DNAJC7: variants seen among roughly 807,000 people sequenced by gnomAD.
DNAJC7 encodes DnaJ heat shock protein family (Hsp40) member C7.
DNAJC7 carries 18 observed loss-of-function variants against 67.4 expected under a neutral mutation model. That is an observed-to-expected ratio of 0.27 (90% confidence interval 0.18 to 0.40). DNAJC7 has a LOEUF of 0.40. DNAJC7 is among the 10% of genes least tolerant of loss of function. The probability of loss-of-function intolerance (pLI) is 1.00; values close to 1 mark genes in which losing one functional copy is unlikely to be tolerated. For missense variants in DNAJC7, 419 were observed against 613.8 expected, an observed-to-expected ratio of 0.68 and a Z score of 3.35; for synonymous variants, 220 against 207.8, an observed-to-expected ratio of 1.06 and a Z score of -0.50.
At chr17:42,017,270 T>C (rs1598162718) in intron 1 of DNAJC7, 70 bp downstream of exon 1, 1 of 1,605,724 alleles carries the variant, frequency 6.2e-7, no homozygotes, top group Non-Finnish European at 8.5e-7. Flanking sequence ...GGCTGCATCA[T>C]GGCAGGAACG....
chr17:41,992,889 A>C (rs1210123871), intron 5 of DNAJC7: 2 of 152,228 alleles, frequency 1.3e-5, no homozygotes, highest in African/African-American at 4.8e-5. Flanking sequence ...AAGAGAGAAA[A>C]GAAACCCAAA....
At chr17:42,005,334 C>T (rs1245865944) in intron 1 of DNAJC7, among the ~76,000 whole-genome samples, 1 of 152,202 alleles carries the variant, frequency 6.6e-6, no homozygotes, top group Non-Finnish European at 1.5e-5. Flanking sequence ...TCATAGTTGA[C>T]ATTGCAACAT....
At chr17:41,989,645 C>T in intron 6 of DNAJC7, 88 bp from the exon 7 acceptor site, 2 of 1,522,600 alleles carry the variant, frequency 1.3e-6, no homozygotes, top group South Asian at 1.2e-5. Context: ...CCTCCTTGAC[C>T]ATGTGTCTAG....
Position 41,976,743 on chromosome 17 carries a change from T to C in DNAJC7, c.1475A>G (p.Gln492Arg). The change falls in exon 14 of 14, where the codon CAA becomes CGA. Residue 492 changes from glutamine (Q) to arginine (R), a missense_variant. Physicochemically the swap from Gln to Arg is conservative, Grantham distance 43. This residue lies in a region of DNAJC7 where 161 missense variants were observed against 252.2 expected (regional missense o/e 0.64). Coordinates refer to ENST00000457167, the MANE Select transcript of DNAJC7 (RefSeq NM_003315.4). ...GGTGGTTGCCCTTCATTAGCCAAAT[T>C]GAAAAAAGAAATTCCCTGGACCAGA... ...EASGPGNFFFQFG is the reference protein window; with the variant it reads ...EASGPGNFFFRFG 6.2e-7 allele frequency: 1 copy of C among 1,609,252 alleles called. No homozygotes were observed. The highest frequency in any genetic ancestry group is 2.2e-5 in the East Asian group (1 of 44,798).
In DNAJC7 at chr17:41,986,498, C is replaced by T. The variant is rs998935899; in HGVS notation, c.1010+1321G>A. Reference sequence around the variant, plus strand: ...GTATCAAGTATCTAGCCACCCCCTTCCCACTGGACATGTAGGTGATTCTCC... The same window carrying T: ...GTATCAAGTATCTAGCCACCCCCTTTCCACTGGACATGTAGGTGATTCTCC... On this transcript the variant is annotated intron_variant, in intron 9 of 13. Transcript: ENST00000457167. Among the ~76,000 whole-genome samples the T allele has an allele frequency of 5.3e-5, 8 of 151,806 alleles. No individual in the cohort carries two copies. The South Asian group carries it at 1.7e-3, about 32-fold the overall frequency.
At chr17:42,003,526 G>C (rs1336842189) in intron 1 of DNAJC7, 1 of 152,288 alleles carries the variant, frequency 6.6e-6, no homozygotes, top group Non-Finnish European at 1.5e-5. Flanking sequence ...TACAGCAAAG[G>C]GACTGAAGGA....
chr17:41,989,597 G>A (rs782603115), intron 6 of DNAJC7, 40 bp from the exon 7 acceptor site: 10 of 1,605,640 alleles, frequency 6.2e-6, no homozygotes, highest in African/African-American at 1.3e-5. Flanking sequence ...CTGTGCTTTA[G>A]AATGTCCCCA....
At chr17:41,994,399 G>A (rs1364928144) in intron 5 of DNAJC7, among the ~76,000 whole-genome samples, 1 of 150,868 alleles carries the variant, frequency 6.6e-6, no homozygotes, top group African/African-American at 2.4e-5. Context: ...TTAGCCAGGT[G>A]TGATGGCATG....
intron 12 of DNAJC7, 84 bp downstream of exon 12, chr17:41,981,771 G>C: frequency 6.5e-7 from 1 of 1,550,174 alleles, no homozygotes; most frequent in Non-Finnish European, 8.7e-7. Context: ...GGCCCAAATA[G>C]ACTCTCCCTC....
At chr17:42,005,655 T>C (rs1315507342) in intron 1 of DNAJC7, among the ~76,000 whole-genome samples, 1 of 152,218 alleles carries the variant, frequency 6.6e-6, no homozygotes, top group Non-Finnish European at 1.5e-5. Flanking sequence ...ACTAGCATGG[T>C]TTCATTATTC....
chr17:42,013,146 C>T (rs1555651293), intron 1 of DNAJC7: 2 of 152,172 alleles, frequency 1.3e-5, no homozygotes, highest in Non-Finnish European at 2.9e-5. Flanking sequence ...CTATGTTGCC[C>T]AGGCTGGTCT....
At chr17:42,016,974 CAA>C in intron 1 of DNAJC7, 1 of 1,229,894 alleles carries the variant, frequency 8.1e-7, no homozygotes, top group Non-Finnish European at 1.0e-6. Context: ...CAGAAGTTAA[CAA>C]GAGAACGCGG....
rs1028969069 is a variant in DNAJC7 at position 41,986,600 on chromosome 17, C to T, written c.1010+1219G>A. On this transcript the variant is annotated intron_variant, in intron 9 of 13. Transcript: ENST00000457167. Reference sequence around the variant, plus strand: ...ACACCTTCATGTATATAGCATTTTGCGTCTGTTAAAGTCAGTCTTTGGCTG... The same window carrying T: ...ACACCTTCATGTATATAGCATTTTGTGTCTGTTAAAGTCAGTCTTTGGCTG... 1.1e-4 allele frequency among the ~76,000 whole-genome samples: 15 copies of T among 139,764 alleles called. No homozygotes were observed. In the South Asian group the frequency reaches 2.9e-3, roughly 27 times the overall value. 91.7% of individuals were successfully genotyped at this position (139,764 alleles called of 152,430 possible). A position where few individuals can be genotyped will look rare whatever the true frequency, so the allele number is the denominator to read the frequency against.
intron 9 of DNAJC7, chr17:41,985,353 T>C (rs1172428572): frequency 2.6e-5 from 4 of 151,834 alleles, no homozygotes; most frequent in African/African-American, 7.3e-5. Flanking sequence ...ATGTAATAAT[T>C]TGAAGTAAGA....
In DNAJC7 at chr17:41,979,790, G is replaced by A. The variant is rs553957074; in HGVS notation, c.1384+2065C>T. Reference sequence around the variant, plus strand: ...AGCCTGGCCAATATGGTAAAACCCCGTCTCTACTTAAAATACAAAAATTAG... The same window carrying A: ...AGCCTGGCCAATATGGTAAAACCCCATCTCTACTTAAAATACAAAAATTAG... On this transcript the variant is annotated intron_variant, in intron 12 of 13. Coordinates refer to ENST00000457167, the MANE Select transcript of DNAJC7 (RefSeq NM_003315.4). Among the ~76,000 whole-genome samples, 513 of 151,058 alleles carry A rather than the reference G, an allele frequency of 3.4e-3. 9 individuals carry two copies. Among genetic ancestry groups the A allele is most frequent in the African/African-American group, 0.012 (503 of 41,162 alleles).
chr17:41,995,103 G>T, intron 4 of DNAJC7, 159 bp from the exon 5 acceptor site: 1 of 690,710 alleles, frequency 1.4e-6, no homozygotes, highest in Non-Finnish European at 2.6e-6. Flanking sequence ...TGTTGTGAAT[G>T]GCCATTTTTA....
chr17:41,996,453 A>C (rs2051661242), intron 3 of DNAJC7, 29 bp from the exon 4 acceptor site: 3 of 1,595,494 alleles, frequency 1.9e-6, no homozygotes, highest in East Asian at 2.2e-5. Context: ...GGAAGAAAAG[A>C]AGCATGATTG....
chr17:41,995,252 C>G (rs1356546520), intron 4 of DNAJC7, among the ~76,000 whole-genome samples: 2 of 152,164 alleles, frequency 1.3e-5, no homozygotes, highest in African/African-American at 4.8e-5. Context: ...TTTCACAAAT[C>G]AAATTGATGA....
In DNAJC7 at chr17:42,006,320, A is replaced by AT. The variant is rs568818722; in HGVS notation, c.78-5751dup. On this transcript the variant is annotated intron_variant, in intron 1 of 13. Coordinates refer to ENST00000457167, the MANE Select transcript of DNAJC7 (RefSeq NM_003315.4). Reference sequence around the variant, plus strand: ...AGGCACACGCCACCACGCCTGGCCAATTTTTTTTTTTTTGAGAAAAGAGCT... The same window carrying AT: ...AGGCACACGCCACCACGCCTGGCCAATTTTTTTTTTTTTTGAGAAAAGAGCT... 5.0e-3 allele frequency among the ~76,000 whole-genome samples: 724 copies of AT among 144,152 alleles called. 6 individuals carry two copies. The highest frequency in any genetic ancestry group is 0.021 in the Middle Eastern group (6 of 280). 94.6% of individuals were successfully genotyped at this position (144,152 alleles called of 152,430 possible). A position where few individuals can be genotyped will look rare whatever the true frequency, so the allele number is the denominator to read the frequency against.
Sources: gnomAD v4.1 joint callset for allele counts (sites outside exome capture counted in the v4.1 genomes callset) on GRCh38, gnomAD v4.1.1 for gene constraint, gnomAD v4.1.1 regional missense constraint, MANE v1.5 for transcripts, NCBI Gene and HGNC (gene_info 2026-07-23, HGNC 2026-07-21) for gene names.